The following ASH2L variants were observed in gnomAD, a reference collection of about 807,000 sequenced individuals.
ASH2L encodes ASH2 like, histone lysine methyltransferase complex subunit, also known as set1/Ash2 histone methyltransferase complex subunit ASH2.
Under a neutral mutation model 81.1 loss-of-function variants are expected in ASH2L, and 30 were observed. The observed-to-expected ratio is 0.37, with a 90% CI of 0.28 to 0.50. ASH2L has a LOEUF of 0.50. Ranked by LOEUF, ASH2L falls within the 20% of genes least tolerant of loss-of-function variation. The pLI is 0.95. For synonymous variants in ASH2L, 273 were observed against 279.9 expected, an observed-to-expected ratio of 0.98 and a Z score of 0.24; for missense variants, 559 against 792.1, an observed-to-expected ratio of 0.71 and a Z score of 3.53.
intron 12 of ASH2L, among the ~76,000 whole-genome samples, chr8:38,132,491 A>C (rs981845631): frequency 6.6e-6 from 1 of 152,222 alleles, no homozygotes; most frequent in Non-Finnish European, 1.5e-5. Context: ...GACCTTCAAA[A>C]TATTTTCATA....
intron 5 of ASH2L, among the ~76,000 whole-genome samples, chr8:38,111,885 G>A (rs1337870678): frequency 6.6e-6 from 1 of 152,102 alleles, no homozygotes; most frequent in African/African-American, 2.4e-5. Flanking sequence ...CATATTTGTA[G>A]TTTCTCAGGA....
At chr8:38,136,378 T>TTG (rs1395490791) in intron 14 of ASH2L, among the ~76,000 whole-genome samples, 1 of 150,752 alleles carries the variant, frequency 6.6e-6, no homozygotes, top group Non-Finnish European at 1.5e-5. Flanking sequence ...CTGGCAAGTT[T>TTG]TTTTTTTTTT....
In ASH2L at chr8:38,118,244, A is replaced by T. The variant is rs561190258; in HGVS notation, c.854-1026A>T. On this transcript the variant is annotated intron_variant, in intron 8 of 15. Coordinates refer to ENST00000343823, the MANE Select transcript of ASH2L (RefSeq NM_004674.5). Reference sequence around the variant, plus strand: ...AATATGAGCCACCTTCAATGTCTTGATCCTTTTTATTGCAGCAGAACTGCT... The same window carrying T: ...AATATGAGCCACCTTCAATGTCTTGTTCCTTTTTATTGCAGCAGAACTGCT... Among the ~76,000 whole-genome samples the T allele has an allele frequency of 3.3e-5, 5 of 152,292 alleles. No individual in the cohort carries two copies. In the East Asian group the frequency reaches 7.7e-4, roughly 23 times the overall value.
intron 13 of ASH2L, among the ~76,000 whole-genome samples, chr8:38,135,137 C>T (rs1000838057): frequency 6.6e-6 from 1 of 152,110 alleles, no homozygotes; most frequent in Non-Finnish European, 1.5e-5. Flanking sequence ...GTAATCCTCT[C>T]TCCTCGGCCT....
intron 7 of ASH2L, 62 bp downstream of exon 7, chr8:38,115,062 G>A: frequency 2.7e-6 from 3 of 1,095,440 alleles, no homozygotes; most frequent in Non-Finnish European, 4.2e-6. Flanking sequence ...AGGTAATCAG[G>A]TTCTGTTTAC....
chr8:38,138,593 C>T, intron 14 of ASH2L: 1 of 449,696 alleles, frequency 2.2e-6, no homozygotes, highest in South Asian at 4.4e-5. Flanking sequence ...TTTTATTTTT[C>T]TTTGACAACA....
chr8:38,136,967 C>T (rs527607109), intron 14 of ASH2L, among the ~76,000 whole-genome samples: 18 of 151,848 alleles, frequency 1.2e-4, no homozygotes, highest in Non-Finnish European at 2.2e-4. Context: ...TGGCCACGCG[C>T]CTATAATCCC....
At chr8:38,128,974 G>C (rs775855564) in intron 12 of ASH2L, 23 bp downstream of exon 12, 10 of 1,601,806 alleles carry the variant, frequency 6.2e-6, no homozygotes, top group Non-Finnish European at 8.5e-6. Flanking sequence ...TCTCCCGGCA[G>C]ATTCCTGGCT....
At chr8:38,105,877 T>G in intron 1 of ASH2L, 139 bp downstream of exon 1, 1 of 1,440,090 alleles carries the variant, frequency 6.9e-7, no homozygotes, top group Non-Finnish European at 9.1e-7. Flanking sequence ...CTGCGCCGCT[T>G]GGCCCGTCCC....
At chr8:38,136,234 T>C (rs1802251415) in intron 14 of ASH2L, among the ~76,000 whole-genome samples, 1 of 151,252 alleles carries the variant, frequency 6.6e-6, no homozygotes, top group Non-Finnish European at 1.5e-5. Context: ...TGTGCTAATT[T>C]TTTGGTTTTT....
intron 12 of ASH2L, among the ~76,000 whole-genome samples, chr8:38,131,207 T>G (rs1802047385): frequency 1.3e-5 from 2 of 152,198 alleles, no homozygotes; most frequent in African/African-American, 4.8e-5. Flanking sequence ...AGTGACTTAT[T>G]GTACCATCCT....
At chr8:38,135,201 T>C (rs1802205220) in intron 13 of ASH2L, among the ~76,000 whole-genome samples, 1 of 152,172 alleles carries the variant, frequency 6.6e-6, no homozygotes, top group South Asian at 2.1e-4. Flanking sequence ...TAGAAATGTT[T>C]GGTATATGTA....
chr8:38,105,876 T>G, intron 1 of ASH2L, 138 bp downstream of exon 1: 5 of 1,438,912 alleles, frequency 3.5e-6, no homozygotes, highest in Non-Finnish European at 4.5e-6. Flanking sequence ...TCTGCGCCGC[T>G]TGGCCCGTCC....
chr8:38,120,894 G>A (rs1180798571), intron 9 of ASH2L, 38 bp from the exon 10 acceptor site: 8 of 1,560,632 alleles, frequency 5.1e-6, no homozygotes, highest in South Asian at 2.2e-5. Flanking sequence ...AGCTAAAGGG[G>A]GTTTTAGTTT....
At chr8:38,128,595 C>T in intron 11 of ASH2L, 137 bp downstream of exon 11, 3 of 1,452,956 alleles carry the variant, frequency 2.1e-6, no homozygotes, top group Non-Finnish European at 2.8e-6. Flanking sequence ...AGCTGGTTTG[C>T]TATTCCCGGG....
chr8:38,121,936 G>A (rs187885418), intron 10 of ASH2L, among the ~76,000 whole-genome samples: 21 of 152,054 alleles, frequency 1.4e-4, no homozygotes, highest in Non-Finnish European at 2.4e-4. Flanking sequence ...AAAATACATC[G>A]AGTCTATCTA....
rs60833081 is a variant in ASH2L at position 38,116,829 on chromosome 8, C to T, written c.853+104C>T. 3.6e-4 allele frequency: 337 copies of T among 940,394 alleles called. No homozygotes were observed. The African/African-American group carries it at 5.2e-3, about 14-fold the overall frequency. 58.3% of individuals were successfully genotyped at this position (940,394 alleles called of 1,614,324 possible). On this transcript the variant is annotated intron_variant, in intron 8 of 15. Coordinates refer to ENST00000343823, the MANE Select transcript of ASH2L (RefSeq NM_004674.5). ...GGTTGACCCTTAACCTGGATACTTA[C>T]TAAAATGCTTTTATAGTTCAAACTC...
intron 10 of ASH2L, among the ~76,000 whole-genome samples, chr8:38,125,438 T>A (rs1251803846): frequency 1.3e-5 from 2 of 151,894 alleles, no homozygotes; most frequent in Non-Finnish European, 2.9e-5. Context: ...CTGACCATCA[T>A]GAAGAAACCC....
chr8:38,131,159 G>A (rs1209216887), intron 12 of ASH2L, among the ~76,000 whole-genome samples: 1 of 152,052 alleles, frequency 6.6e-6, no homozygotes, highest in Non-Finnish European at 1.5e-5. Flanking sequence ...CTGATAATAA[G>A]CAGCCTACAG....
Sources: gnomAD v4.1 joint callset for allele counts (sites outside exome capture counted in the v4.1 genomes callset) on GRCh38, gnomAD v4.1.1 for gene constraint, MANE v1.5 for transcripts, NCBI Gene and HGNC (gene_info 2026-07-23, HGNC 2026-07-21) for gene names.